The following RARS1 variants were observed in gnomAD, a reference collection of about 807,000 sequenced individuals.
The protein encoded by RARS1 is arginine--tRNA ligase, cytoplasmic.
A neutral mutation model predicts 78.7 loss-of-function variants in RARS1; 75 were observed. That is an observed-to-expected ratio of 0.95 (90% CI 0.79 to 1.15). The LOEUF is 1.15. Ranked by LOEUF, RARS1 falls within the 50% of genes most tolerant of loss-of-function variation. The pLI is 0.00. For missense variants in RARS1, 787 were observed against 787.5 expected (o/e 1.00, Z 0.01); for synonymous variants, 273 against 268.2 (o/e 1.02, Z -0.18).
In RARS1 at chr5:168,502,055, CCTT is replaced by C. The variant is rs774589021; in HGVS notation, c.1010_1012del (p.Phe337del). 6.2e-6 allele frequency: 10 copies of C among 1,604,592 alleles called. No individual in the cohort carries two copies. In the East Asian group the frequency reaches 6.8e-5, roughly 11 times the overall value. On this transcript the variant is annotated inframe_deletion, in exon 9 of 15. Transcript: ENST00000231572. ...GTCTCTTTAATAGAGAGAGGGGAAT[CCTT>C]CTATCAAGATAGGATGAATGATATT... is the stretch of plus-strand genomic sequence containing the variant.
intron 6 of RARS1, 43 bp downstream of exon 6, chr5:168,495,479 C>G (rs1020794494): frequency 4.4e-6 from 7 of 1,580,080 alleles, no homozygotes; most frequent in Non-Finnish European, 6.0e-6. Flanking sequence ...TCCTTATTTT[C>G]TTGTTTGGAA....
At chr5:168,488,439 A>G (rs1370169030) in intron 1 of RARS1, among the ~76,000 whole-genome samples, 163 bp from the exon 2 acceptor site, 8 of 152,118 alleles carry the variant, frequency 5.3e-5, no homozygotes, top group Non-Finnish European at 1.2e-4. Context: ...ATATTTTCTT[A>G]TTAAGGATAA....
At chr5:168,511,746 T>G (rs1433686511) in intron 12 of RARS1, among the ~76,000 whole-genome samples, 1 of 151,618 alleles carries the variant, frequency 6.6e-6, no homozygotes, top group Non-Finnish European at 1.5e-5. Context: ...AAGATATATT[T>G]CCATCACCCC....
intron 2 of RARS1, among the ~76,000 whole-genome samples, chr5:168,491,635 A>T (rs1758086521): frequency 6.6e-6 from 1 of 152,202 alleles, no homozygotes; most frequent in Non-Finnish European, 1.5e-5. Flanking sequence ...TTTTCCACTT[A>T]TTCTGTCTTG....
Position 168,497,240 on chromosome 5 carries a change from A to T in RARS1, c.714A>T (p.Val238=). ...TGATTGGTGTTAGGTTAAATCATGT[A>T]GGAGACTGGGGGACCCAGTTTGGCA... ...AGYDVLRLNH[V]GDWGTQFGML... The change falls in exon 7 of 15, where the codon GTA becomes GTT. Residue 238 remains valine, a synonymous_variant. Coordinates refer to ENST00000231572, the MANE Select transcript of RARS1 (RefSeq NM_002887.4). 2 of 1,563,282 alleles carry T rather than the reference A, an allele frequency of 1.3e-6. No individual in the cohort carries two copies.
At chr5:168,500,561 C>G in intron 7 of RARS1, 30 bp from the exon 8 acceptor site, 1 of 1,420,788 alleles carries the variant, frequency 7.0e-7, no homozygotes, top group Non-Finnish European at 9.2e-7. Context: ...TTTTTACACA[C>G]CTTACTTTTT....
intron 2 of RARS1, among the ~76,000 whole-genome samples, chr5:168,491,573 G>A (rs1036903175): frequency 6.6e-6 from 1 of 152,152 alleles, no homozygotes; most frequent in Non-Finnish European, 1.5e-5. Context: ...CTGATGAGGG[G>A]AGCATAAAAC....
intron 1 of RARS1, among the ~76,000 whole-genome samples, chr5:168,487,811 G>A (rs577877440): frequency 4.6e-5 from 7 of 152,304 alleles, no homozygotes; most frequent in African/African-American, 1.7e-4. Context: ...AGCCTGGTCT[G>A]GTCTAGTCTA....
At chr5:168,487,629 C>G (rs1757997608) in intron 1 of RARS1, among the ~76,000 whole-genome samples, 1 of 152,176 alleles carries the variant, frequency 6.6e-6, no homozygotes, top group African/African-American at 2.4e-5. Context: ...TAGCTCAGCT[C>G]CTGGAACATA....
At chr5:168,512,435 A>G (rs983211477) in intron 12 of RARS1, among the ~76,000 whole-genome samples, 10 of 152,220 alleles carry the variant, frequency 6.6e-5, no homozygotes, top group Non-Finnish European at 1.3e-4. Context: ...TACTCCCACT[A>G]CTAACATATG....
chr5:168,516,948 C>T lies in RARS1; in HGVS notation c.1623C>T (p.Ile541=). 6.2e-7 allele frequency: 1 copy of T among 1,613,002 alleles called. No individual in the cohort carries two copies. ...ACTTGTTGTATGCCTTCACTAGAAT[C>T]AGGTAATTGTGGGTAGGCATTGTTT... ...AAYLLYAFTR[I]RSIARLANID... The change falls in exon 13 of 15, where the codon ATC becomes ATT. Residue 541 remains isoleucine (I), a splice_region_variant and synonymous_variant. Coordinates refer to ENST00000231572, the MANE Select transcript of RARS1 (RefSeq NM_002887.4).
Position 168,516,905 on chromosome 5 carries a change from G to A in RARS1, c.1580G>A (p.Arg527Lys). 3.1e-6 allele frequency: 5 copies of A among 1,614,146 alleles called. No homozygotes were observed. The highest frequency in any genetic ancestry group is 4.2e-6 in the Non-Finnish European group (5 of 1,179,986). The change falls in exon 13 of 15, where the codon AGA (arginine) becomes AAA (lysine). Residue 527 changes from arginine (R) to lysine (K), a missense_variant. Arg to Lys is a conservative substitution (Grantham distance 26, BLOSUM62 2). Transcript: ENST00000231572. ...TCCTTTGACAAAATGCTAGATGACA[G>A]AGGAAATACAGCTGCTTACTTGTTG... ...IFSFDKMLDD[R>K]GNTAAYLLYA... is the part of the protein sequence containing the mutation.
intron 7 of RARS1, among the ~76,000 whole-genome samples, chr5:168,499,410 G>C (rs1164505074): frequency 6.6e-6 from 1 of 152,164 alleles, no homozygotes; most frequent in African/African-American, 2.4e-5. Flanking sequence ...TTTAATGTGA[G>C]TTGCATGTTT....
chr5:168,512,790 GTC>G (rs1487317506), intron 12 of RARS1, among the ~76,000 whole-genome samples: 2 of 152,180 alleles, frequency 1.3e-5, no homozygotes, highest in Non-Finnish European at 2.9e-5. Flanking sequence ...TTAAGGGTGG[GTC>G]TGCCTTTCCC....
chr5:168,511,756 C>G (rs545720952), intron 12 of RARS1, among the ~76,000 whole-genome samples: 140 of 152,308 alleles, frequency 9.2e-4, no homozygotes, highest in African/African-American at 3.3e-3. Flanking sequence ...TCCATCACCC[C>G]AGAGATTTTC....
chr5:168,493,770 C>A, intron 3 of RARS1, 124 bp from the exon 4 acceptor site: 1 of 695,288 alleles, frequency 1.4e-6, no homozygotes, highest in Non-Finnish European at 2.5e-6. Context: ...TGTGATTGGA[C>A]TTCTCTGCTT....
chr5:168,507,051 A>C (rs1362241074), intron 11 of RARS1, among the ~76,000 whole-genome samples: 2 of 152,208 alleles, frequency 1.3e-5, no homozygotes, highest in Non-Finnish European at 2.9e-5. Flanking sequence ...TGAAAACCAG[A>C]CTGTAGACCT....
chr5:168,494,447 A>T, intron 4 of RARS1, 103 bp from the exon 5 acceptor site: 1 of 1,531,258 alleles, frequency 6.5e-7, no homozygotes. Context: ...GGAATCCGGA[A>T]GAATTTTGCC....
intron 2 of RARS1, among the ~76,000 whole-genome samples, chr5:168,490,146 G>A (rs6898527): frequency 0.023 from 3,571 of 152,114 alleles, 116 homozygotes; most frequent in East Asian, 0.096. Context: ...TGCTATGCTC[G>A]AGTCTCATAT....
Sources: gnomAD v4.1 joint callset for allele counts (sites outside exome capture counted in the v4.1 genomes callset) on GRCh38, gnomAD v4.1.1 for gene constraint, MANE v1.5 for transcripts, NCBI Gene and HGNC (gene_info 2026-07-23, HGNC 2026-07-21) for gene names.